Variants in CADPS observed in about 807,000 individuals in gnomAD.
The protein encoded by CADPS is calcium-dependent secretion activator 1.
CADPS carries 57 observed loss-of-function variants against 167.3 expected under a neutral mutation model. That is an observed-to-expected ratio of 0.34 (90% CI 0.28 to 0.42). The LOEUF (loss-of-function observed/expected upper bound fraction) is 0.42, where lower values mean the gene tolerates loss of function less well. CADPS is among the 20% of genes least tolerant of loss of function. CADPS has a pLI of 1.00. For missense variants in CADPS, 1,414 were observed against 1,738.1 expected (o/e 0.81, Z 3.32); for synonymous variants, 676 against 635.3 (o/e 1.06, Z -0.96).
intron 6 of CADPS, among the ~76,000 whole-genome samples, chr3:62,622,707 G>C (rs2063382747): frequency 2.0e-5 from 3 of 151,938 alleles, no homozygotes; most frequent in Admixed American, 1.3e-4. Flanking sequence ...AAGACACTGA[G>C]ATATAAAAGG....
chr3:62,670,610 C>T (rs1032539316), intron 3 of CADPS, among the ~76,000 whole-genome samples: 19 of 152,060 alleles, frequency 1.2e-4, no homozygotes, highest in Non-Finnish European at 1.8e-4. Flanking sequence ...TTGCTGGCTT[C>T]TGGCAATGCA....
intron 3 of CADPS, among the ~76,000 whole-genome samples, chr3:62,708,070 C>A (rs1310289297): frequency 2.0e-5 from 3 of 151,948 alleles, no homozygotes; most frequent in East Asian, 3.9e-4. Flanking sequence ...GGACCATAGG[C>A]ACTAACACCA....
At chr3:62,791,686 T>A (rs1333653699) in intron 1 of CADPS, among the ~76,000 whole-genome samples, 1 of 152,202 alleles carries the variant, frequency 6.6e-6, no homozygotes, top group Admixed American at 6.5e-5. Flanking sequence ...AGGCACCGGA[T>A]AAGTCACGGC....
At chr3:62,593,865 T>A (rs2086634794) in intron 6 of CADPS, among the ~76,000 whole-genome samples, 1 of 152,238 alleles carries the variant, frequency 6.6e-6, no homozygotes, top group Non-Finnish European at 1.5e-5. Flanking sequence ...TGTGTCATTG[T>A]TTTATAGCAG....
At chr3:62,708,305 T>C (rs977464890) in intron 3 of CADPS, among the ~76,000 whole-genome samples, 13 of 152,088 alleles carry the variant, frequency 8.5e-5, no homozygotes, top group Non-Finnish European at 1.8e-4. Flanking sequence ...TTATATGTAT[T>C]TGTGTGTGTA....
At chr3:62,644,222 G>A (rs1474893221) in intron 6 of CADPS, among the ~76,000 whole-genome samples, 2 of 152,148 alleles carry the variant, frequency 1.3e-5, no homozygotes, top group Admixed American at 6.5e-5. Flanking sequence ...GGGGAGGAGA[G>A]GCAGTGAGCT....
Position 62,576,788 on chromosome 3 carries a change from T to TAAAAA in CADPS, c.1578-5855_1578-5851dup, listed in dbSNP as rs138055445. Reference sequence around the variant, plus strand: ...CTGGGTGACAGAGCAAGACTCTGTCTAAAAAAAAAAAAAAAAAAAAAAAAA... The same window carrying TAAAAA: ...CTGGGTGACAGAGCAAGACTCTGTCTAAAAAAAAAAAAAAAAAAAAAAAAAAAAAA... On this transcript the variant is annotated intron_variant, in intron 8 of 29. Coordinates refer to ENST00000383710, the MANE Select transcript of CADPS (RefSeq NM_003716.4). Among the ~76,000 whole-genome samples, 69 of 29,846 alleles carry TAAAAA rather than the reference T, an allele frequency of 2.3e-3. 8 individuals are homozygous for TAAAAA. The highest frequency in any genetic ancestry group is 8.2e-3 in the African/African-American group (67 of 8,188). 19.6% of individuals were successfully genotyped at this position (29,846 alleles called of 152,430 possible).
chr3:62,801,668 G>A (rs761851583), intron 1 of CADPS, among the ~76,000 whole-genome samples: 13 of 151,860 alleles, frequency 8.6e-5, no homozygotes, highest in Non-Finnish European at 1.3e-4. Flanking sequence ...CTTATTTAAC[G>A]CCAATATGTG....
intron 13 of CADPS, among the ~76,000 whole-genome samples, chr3:62,525,679 A>G (rs962155922): frequency 4.7e-5 from 7 of 148,804 alleles, no homozygotes; most frequent in African/African-American, 1.2e-4. Context: ...TAATGTCATT[A>G]TGTGTGTGTG....
At chr3:62,490,622 T>C (rs2063541536) in intron 21 of CADPS, among the ~76,000 whole-genome samples, 1 of 152,208 alleles carries the variant, frequency 6.6e-6, no homozygotes, top group African/African-American at 2.4e-5. Context: ...ATGTCCCATT[T>C]TAAAAAAAGC....
chr3:62,631,018 T>G (rs559807946), intron 6 of CADPS, among the ~76,000 whole-genome samples: 19 of 152,264 alleles, frequency 1.2e-4, no homozygotes, highest in Non-Finnish European at 2.5e-4. Flanking sequence ...TTTTTTAGTT[T>G]ATTTTTAAAA....
At chr3:62,471,729 A>G (rs2060648015) in intron 24 of CADPS, among the ~76,000 whole-genome samples, 1 of 152,208 alleles carries the variant, frequency 6.6e-6, no homozygotes, top group South Asian at 2.1e-4. Context: ...TAGAAAACTC[A>G]GTTAAAATGT....
rs189936789 is a variant in CADPS, at chr3:62,469,760, G to C, written c.3478-3347C>G. On this transcript the variant is annotated intron_variant, in intron 24 of 29. Transcript: ENST00000383710. ...CTTGACCTCGTGATCCGCCCACCTT[G>C]GCCTCCCAAAGTGCTGGGATTACAG... The C allele has an allele frequency of 4.6e-3, 721 of 157,752 alleles. 5 individuals are homozygous for C. Among genetic ancestry groups the C allele is most frequent in the Middle Eastern group, 0.016 (5 of 310 alleles). 9.8% of individuals were successfully genotyped at this position (157,752 alleles called of 1,614,324 possible).
At chr3:62,736,598 A>C (rs2079031277) in intron 3 of CADPS, among the ~76,000 whole-genome samples, 1 of 152,220 alleles carries the variant, frequency 6.6e-6, no homozygotes, top group Non-Finnish European at 1.5e-5. Flanking sequence ...CTTAGAATAA[A>C]CCTAAGGAAA....
chr3:62,732,375 C>T (rs577755773), intron 3 of CADPS, among the ~76,000 whole-genome samples: 29 of 152,258 alleles, frequency 1.9e-4, no homozygotes, highest in African/African-American at 7.0e-4. Context: ...CCACAAGGAA[C>T]TGAATCCTTC....
intron 1 of CADPS, among the ~76,000 whole-genome samples, chr3:62,795,346 T>C (rs2093332452): frequency 6.6e-6 from 1 of 152,094 alleles, no homozygotes; most frequent in Non-Finnish European, 1.5e-5. Flanking sequence ...GTACTTACCA[T>C]TAAAAAAATA....
chr3:62,661,945 G>T (rs1428519269), intron 4 of CADPS, among the ~76,000 whole-genome samples: 1 of 152,182 alleles, frequency 6.6e-6, no homozygotes, highest in African/African-American at 2.4e-5. Context: ...GAGAAGAGGA[G>T]TAAATATAGT....
intron 15 of CADPS, 107 bp downstream of exon 15, chr3:62,516,473 C>A: frequency 1.1e-6 from 1 of 910,790 alleles, no homozygotes; most frequent in Non-Finnish European, 1.7e-6. Flanking sequence ...GAATGGTAAA[C>A]AAATCCTATA....
intron 18 of CADPS, among the ~76,000 whole-genome samples, chr3:62,494,814 T>TG (rs1050145651): frequency 2.0e-5 from 3 of 151,134 alleles, no homozygotes; most frequent in Admixed American, 1.3e-4. Flanking sequence ...GCTAATTTTT[T>TG]TTTGTTGTTT....
Sources: allele counts gnomAD v4.1 joint callset (sites outside exome capture counted in the v4.1 genomes callset), GRCh38; gene constraint gnomAD v4.1.1; transcripts MANE v1.5; gene names NCBI Gene and HGNC (gene_info 2026-07-23, HGNC 2026-07-21).